The following NACC1 variants were observed in gnomAD, a reference collection of about 807,000 sequenced individuals.
NACC1 encodes the protein nucleus accumbens-associated protein 1.
Under a neutral mutation model 41.7 loss-of-function variants are expected in NACC1, and 6 were observed. The ratio of observed to expected loss-of-function variants is 0.14; its 90% CI spans 0.08 to 0.28. NACC1 has a LOEUF of 0.28. NACC1 is among the 10% of genes least tolerant of loss of function. The probability of loss-of-function intolerance (pLI) is 1.00; values close to 1 mark genes in which losing one functional copy is unlikely to be tolerated. For missense variants in NACC1, 434 were observed against 763.7 expected, an observed-to-expected ratio of 0.57 and a Z score of 5.09; for synonymous variants, 338 against 330.6, an observed-to-expected ratio of 1.02 and a Z score of -0.24.
rs933152777 is a variant in NACC1 at position 13,139,572 on chromosome 19, C to CTCCTGTGGG, written c.*1179_*1187dup. 1.3e-5 allele frequency: 2 copies of CTCCTGTGGG among 153,864 alleles called. No homozygotes were observed. Among genetic ancestry groups the CTCCTGTGGG allele is most frequent in the Non-Finnish European group, 2.9e-5 (2 of 69,432 alleles). The allele number at this position is 153,864 out of a possible 1,614,324, so 9.5% of individuals were successfully genotyped here. A position where few individuals can be genotyped will look rare whatever the true frequency, so the allele number is the denominator to read the frequency against. ...ACTCCAGTCCCAGCTGCTGCCTAGG[C>CTCCTGTGGG]TCCTGTGGGTCCTGTGGGTCCCCCT... On this transcript the variant is annotated 3_prime_UTR_variant, in exon 6 of 6. Transcript: ENST00000292431.
At position 13,138,484 on chromosome 19, in the gene NACC1, T is replaced by C. The variant is rs1342774668; in HGVS notation, c.*78T>C. On this transcript the variant is annotated 3_prime_UTR_variant, in exon 6 of 6. Transcript: ENST00000292431. The surrounding 1 kb of genome is among the most constrained non-coding windows in gnomAD (Gnocchi z 5.7). ...ACCTGCCATCTTGGTCATGAGCTAC[T>C]GTCTGTCCCTCCCCAGGACCCGCGG... 1 of 1,561,342 alleles carries C rather than the reference T, an allele frequency of 6.4e-7. No homozygotes were observed. The highest frequency in any genetic ancestry group is 1.7e-5 in the Admixed American group (1 of 57,720).
Position 13,138,441 on chromosome 19 carries a change from C to A in NACC1, c.*35C>A. 1 of 1,597,066 alleles carries A rather than the reference C, an allele frequency of 6.3e-7. No individual in the cohort carries two copies. The highest frequency in any genetic ancestry group is 8.5e-7 in the Non-Finnish European group (1 of 1,176,144). On this transcript the variant is annotated 3_prime_UTR_variant, in exon 6 of 6. Transcript: ENST00000292431. This position sits in a 1 kb window ranked among gnomAD's most constrained non-coding sequence, Gnocchi z 5.7. ...CCTCCCGCGGGGCCACACACTTCCCCTCCCAACACACACACACACCTGCCA... is the reference window on the plus strand; with the variant it reads ...CCTCCCGCGGGGCCACACACTTCCCATCCCAACACACACACACACCTGCCA...
chr19:13,137,002 C>T lies in NACC1; in HGVS notation c.1121-269C>T, dbSNP rs568314690. The stretch of plus-strand genomic sequence containing the variant: ...GCCCACCTCACACAGGCTTGCGGCA[C>T]GACTGGCCACACAGCAGGCACCCCG... On this transcript the variant is annotated intron_variant, in intron 3 of 5. Coordinates refer to ENST00000292431, the MANE Select transcript of NACC1 (RefSeq NM_052876.4). This position sits in a 1 kb window ranked among gnomAD's most constrained non-coding sequence, Gnocchi z 6.1. Among the ~76,000 whole-genome samples, 29 of 152,342 alleles carry T rather than the reference C, an allele frequency of 1.9e-4. No individual in the cohort carries two copies. Among genetic ancestry groups the T allele is most frequent in the African/African-American group, 6.5e-4 (27 of 41,580 alleles).
At chr19:13,118,881 G>A (rs2019449328) in intron 1 of NACC1, among the ~76,000 whole-genome samples, 1 of 146,950 alleles carries the variant, frequency 6.8e-6, no homozygotes, top group Non-Finnish European at 1.5e-5. Flanking sequence ...GGGGGGCGGG[G>A]AGGGGCCGGG....
chr19:13,118,247 G>A, upstream of NACC1: 1 of 149,980 alleles, frequency 6.7e-6, no homozygotes, highest in South Asian at 2.1e-4. Flanking sequence ...CGGCAGCGCG[G>A]CTTGCGCTCG....
At chr19:13,121,482 C>T (rs1044360068) in intron 1 of NACC1, among the ~76,000 whole-genome samples, 5 of 152,300 alleles carry the variant, frequency 3.3e-5, no homozygotes, top group African/African-American at 9.6e-5. Flanking sequence ...GGCCTCCTGG[C>T]CGGGCAGCAG....
chr19:13,125,412 C>CT lies in NACC1; in HGVS notation c.-9+6980dup, dbSNP rs760978944. The stretch of plus-strand genomic sequence containing the variant: ...ACTGAATCAACTCCCGAAGGCCCCA[C>CT]TTTTTTTTTTTTTTTTTTTTTTGGT... On this transcript the variant is annotated intron_variant, in intron 1 of 5. Transcript: ENST00000292431. Among the ~76,000 whole-genome samples the CT allele has an allele frequency of 2.3e-3, 231 of 100,290 alleles. 4 individuals are homozygous for CT. The highest frequency in any genetic ancestry group is 8.0e-3 in the African/African-American group (214 of 26,852). 65.8% of individuals were successfully genotyped at this position (100,290 alleles called of 152,430 possible).
intron 1 of NACC1, among the ~76,000 whole-genome samples, chr19:13,127,355 C>T (rs1401548726): frequency 1.2e-5 from 1 of 85,222 alleles, no homozygotes; most frequent in Non-Finnish European, 2.3e-5. Flanking sequence ...AAAAAAAAAG[C>T]ATACATATAC....
At chr19:13,124,297 G>A (rs2019535819) in intron 1 of NACC1, among the ~76,000 whole-genome samples, 1 of 152,092 alleles carries the variant, frequency 6.6e-6, no homozygotes, top group African/African-American at 2.4e-5. Context: ...CTACTCAGGA[G>A]GCGGAGGCAC....
In NACC1 at chr19:13,138,136, C is replaced by T. The variant is rs1469427151; in HGVS notation, c.1325-11C>T. The T allele has an allele frequency of 6.2e-7, 1 of 1,612,378 alleles. No individual in the cohort carries two copies. The highest frequency in any genetic ancestry group is 2.2e-5 in the East Asian group (1 of 44,854). Reference sequence around the variant, plus strand: ...CCCCCGTGCCAAGGCCGCACCCACCCTGCCCCACAGACTACTGCCAGAACT... The same window carrying T: ...CCCCCGTGCCAAGGCCGCACCCACCTTGCCCCACAGACTACTGCCAGAACT... On this transcript the variant is annotated splice_polypyrimidine_tract_variant and intron_variant, in intron 5 of 5. Coordinates refer to ENST00000292431, the MANE Select transcript of NACC1 (RefSeq NM_052876.4). This position sits in a 1 kb window ranked among gnomAD's most constrained non-coding sequence, Gnocchi z 5.7.
chr19:13,138,139 C>T lies in NACC1; in HGVS notation c.1325-8C>T. 1 of 1,611,966 alleles carries T rather than the reference C, an allele frequency of 6.2e-7. No individual in the cohort carries two copies. Among genetic ancestry groups the T allele is most frequent in the East Asian group, 2.3e-5 (1 of 44,336 alleles). On this transcript the variant is annotated splice_polypyrimidine_tract_variant and splice_region_variant and intron_variant, in intron 5 of 5. Coordinates refer to ENST00000292431, the MANE Select transcript of NACC1 (RefSeq NM_052876.4). This position sits in a 1 kb window ranked among gnomAD's most constrained non-coding sequence, Gnocchi z 5.7. Reference sequence around the variant, plus strand: ...CCGTGCCAAGGCCGCACCCACCCTGCCCCACAGACTACTGCCAGAACTTCG... The same window carrying T: ...CCGTGCCAAGGCCGCACCCACCCTGTCCCACAGACTACTGCCAGAACTTCG...
At chr19:13,133,737 G>C (rs1343961616) in intron 1 of NACC1, among the ~76,000 whole-genome samples, 1 of 152,134 alleles carries the variant, frequency 6.6e-6, no homozygotes, top group African/African-American at 2.4e-5. Context: ...GTGAACGTTT[G>C]TTTACAGGTT....
intron 1 of NACC1, among the ~76,000 whole-genome samples, chr19:13,122,533 G>C (rs1024299807): frequency 1.3e-5 from 2 of 150,816 alleles, no homozygotes; most frequent in Non-Finnish European, 3.0e-5. Context: ...CGGGGGGGGG[G>C]GGGTGTGCTG....
At position 13,138,677 on chromosome 19, in the gene NACC1, C is replaced by G. The variant is rs975719176; in HGVS notation, c.*271C>G. 1.6e-5 allele frequency: 8 copies of G among 508,086 alleles called. No homozygotes were observed. The highest frequency in any genetic ancestry group is 2.5e-5 in the Non-Finnish European group (7 of 279,050). The allele number at this position is 508,086 out of a possible 1,614,324, so 31.5% of individuals were successfully genotyped here. A position where few individuals can be genotyped will look rare whatever the true frequency, so the allele number is the denominator to read the frequency against. On this transcript the variant is annotated 3_prime_UTR_variant, in exon 6 of 6. Transcript: ENST00000292431. The surrounding 1 kb of genome is among the most constrained non-coding windows in gnomAD (Gnocchi z 5.7). Reference sequence around the variant, plus strand: ...TCTGGCTCCCCAACCTAACCCCTAGCCGTCATCTCCACACTCACCAGGCCC... The same window carrying G: ...TCTGGCTCCCCAACCTAACCCCTAGGCGTCATCTCCACACTCACCAGGCCC...
rs1439635696 is a variant in NACC1, at chr19:13,137,363, T to G, written c.1213T>G (p.Ser405Ala). Residue 405 changes from serine (S) to alanine (A), a missense_variant, in exon 4 of 6, where the codon TCC becomes GCC. Physicochemically the swap from Ser to Ala is moderately conservative, Grantham distance 99. This residue lies in a region of NACC1 where 70 missense variants were observed against 206.9 expected (regional missense o/e 0.34). Transcript: ENST00000292431. This position sits in a 1 kb window ranked among gnomAD's most constrained non-coding sequence, Gnocchi z 6.1. ...HKVLLRRLLA[S>A]FFDRNTLANS... ...GGTCCTACTGCGGCGGCTCCTGGCCTCCTTCTTTGACCGGTAAGGCCCTTG... is the reference window on the plus strand; with the variant it reads ...GGTCCTACTGCGGCGGCTCCTGGCCGCCTTCTTTGACCGGTAAGGCCCTTG... 3.7e-6 allele frequency: 6 copies of G among 1,608,104 alleles called. No individual in the cohort carries two copies. The highest frequency in any genetic ancestry group is 2.3e-5 in the East Asian group (1 of 44,356).
In NACC1 at chr19:13,138,277, G is replaced by A; in HGVS notation, c.1455G>A (p.Glu485=). ...WMPKVKVLKA[E]DDAYTTFISE... ...CCAAGGTCAAGGTGCTCAAGGCTGA[G>A]GATGACGCCTACACCACCTTCATCA... is the stretch of plus-strand genomic sequence containing the variant. The change falls in exon 6 of 6, where the codon GAG becomes GAA. Residue 485 remains glutamate (E), a synonymous_variant. Coordinates refer to ENST00000292431, the MANE Select transcript of NACC1 (RefSeq NM_052876.4). The surrounding 1 kb of genome is among the most constrained non-coding windows in gnomAD (Gnocchi z 5.7). 3.7e-6 allele frequency: 6 copies of A among 1,614,228 alleles called. No homozygotes were observed. Among genetic ancestry groups the A allele is most frequent in the Non-Finnish European group, 5.1e-6 (6 of 1,180,030 alleles).
chr19:13,127,400 T>TTTTTTTTTTTTTTTTTTTTTTTTTTC (rs1245933408), intron 1 of NACC1, among the ~76,000 whole-genome samples: 10 of 100,828 alleles, frequency 9.9e-5, no homozygotes, highest in African/African-American at 3.9e-4. Flanking sequence ...TTTTTTTTTT[T>TTTTTTTTTTTTTTTTTTTTTTTTTTC]CGGTTAACTG....
At chr19:13,121,764 C>T (rs779024782) in intron 1 of NACC1, among the ~76,000 whole-genome samples, 3 of 152,152 alleles carry the variant, frequency 2.0e-5, no homozygotes, top group Non-Finnish European at 4.4e-5. Flanking sequence ...TGCCACTCTG[C>T]GTCCTCAGAT....
intron 1 of NACC1, among the ~76,000 whole-genome samples, chr19:13,122,826 G>A (rs1418442802): frequency 6.6e-6 from 1 of 152,214 alleles, no homozygotes; most frequent in South Asian, 2.1e-4. Flanking sequence ...CTACTCCCAG[G>A]GAGTTTGCGG....
Sources: gnomAD v4.1 joint callset for allele counts (sites outside exome capture counted in the v4.1 genomes callset) on GRCh38, gnomAD v4.1.1 for gene constraint, gnomAD v4.1.1 regional missense constraint, Gnocchi (gnomAD v3.1) non-coding constraint, MANE v1.5 for transcripts, NCBI Gene and HGNC (gene_info 2026-07-23, HGNC 2026-07-21) for gene names.